The following RIN2 variants were observed in gnomAD, a reference collection of about 807,000 sequenced individuals.
RIN2 encodes RAB5 interacting protein 2.
A neutral mutation model predicts 78.0 loss-of-function variants in RIN2; 36 were observed. The observed-to-expected ratio is 0.46, with a 90% CI of 0.35 to 0.61. The LOEUF is 0.61. Among genes scored for constraint, RIN2 ranks in the 20% least tolerant of loss-of-function variants. RIN2 has a pLI of 0.00. For synonymous variants in RIN2, 466 were observed against 466.8 expected (o/e 1.00, Z 0.02); for missense variants, 1,087 against 1,159.7 (o/e 0.94, Z 0.91).
chr20:19,869,938 T>G (rs1416421042), intron 2 of RIN2, among the ~76,000 whole-genome samples: 1 of 152,038 alleles, frequency 6.6e-6, no homozygotes, highest in East Asian at 1.9e-4. Flanking sequence ...GTGAGCCACC[T>G]CACGGGGCCA....
chr20:19,883,366 GTC>G (rs1481522599), intron 2 of RIN2, among the ~76,000 whole-genome samples: 4 of 140,866 alleles, frequency 2.8e-5, no homozygotes, highest in African/African-American at 8.0e-5. Flanking sequence ...TTTAGACCTG[GTC>G]TCTCTCTGTT....
chr20:19,789,376 A>G lies in RIN2; in HGVS notation c.-162-10246A>G, dbSNP rs1277433436. Among the ~76,000 whole-genome samples the G allele has an allele frequency of 3.9e-5, 6 of 152,312 alleles. No homozygotes were observed. The East Asian group carries it at 1.2e-3, about 29-fold the overall frequency. On this transcript the variant is annotated intron_variant, in intron 1 of 12. Transcript: ENST00000255006. ...GGATATGCGAAGATTTTTTAAAATAATACTTTTAACTTAAGATGTGTGCAC... is the reference window on the plus strand; with the variant it reads ...GGATATGCGAAGATTTTTTAAAATAGTACTTTTAACTTAAGATGTGTGCAC...
intron 2 of RIN2, among the ~76,000 whole-genome samples, chr20:19,812,302 G>A (rs1035416753): frequency 4.6e-5 from 7 of 152,168 alleles, no homozygotes; most frequent in Non-Finnish European, 7.4e-5. Flanking sequence ...ACTGTTTTCC[G>A]AAGAGACTGT....
intron 8 of RIN2, among the ~76,000 whole-genome samples, chr20:19,973,675 GCTA>G (rs1026566140): frequency 2.0e-5 from 3 of 152,172 alleles, no homozygotes. Context: ...TGTAGTCCCA[GCTA>G]CTCGGGAGGC....
At chr20:19,875,409 C>A (rs1226209533) in intron 2 of RIN2, among the ~76,000 whole-genome samples, 2 of 152,114 alleles carry the variant, frequency 1.3e-5, no homozygotes, top group African/African-American at 2.4e-5. Context: ...TTGTGATCTG[C>A]CCACCTCAGC....
In RIN2 at chr20:20,000,738, C is replaced by T. The variant is rs761100473; in HGVS notation, c.2490C>T (p.Asp830=). 1 of 1,613,952 alleles carries T rather than the reference C, an allele frequency of 6.2e-7. No homozygotes were observed. Among genetic ancestry groups the T allele is most frequent in the South Asian group, 1.1e-5 (1 of 91,086 alleles). Reference sequence around the variant, plus strand: ...GCGCTGAGAAGTTCAAGGTGGGGGACCCTGAGGAGTACAGCCTCTTTCTCT... The same window carrying T: ...GCGCTGAGAAGTTCAAGGTGGGGGATCCTGAGGAGTACAGCCTCTTTCTCT... The part of the protein sequence containing the change: ...QICAEKFKVG[D]PEEYSLFLFV... Residue 830 remains aspartate, a synonymous_variant, in exon 13 of 13, where the codon GAC becomes GAT. Transcript: ENST00000255006.
chr20:19,983,512 G>A (rs1235961740), intron 9 of RIN2, among the ~76,000 whole-genome samples: 2 of 148,810 alleles, frequency 1.3e-5, no homozygotes, highest in African/African-American at 5.1e-5. Flanking sequence ...AATTATAAAT[G>A]TTTACATTTT....
intron 2 of RIN2, among the ~76,000 whole-genome samples, chr20:19,844,587 GCTGCTGCTTCTTCCT>G (rs1488208186): frequency 3.6e-5 from 5 of 139,662 alleles, no homozygotes; most frequent in African/African-American, 1.3e-4. Flanking sequence ...TGCTGCTGCT[GCTGCTGCTTCTTCCT>G]CTTCTTCTTC....
intron 3 of RIN2, 89 bp downstream of exon 3, chr20:19,889,747 G>A (rs1192422768): frequency 2.8e-6 from 3 of 1,061,100 alleles, no homozygotes; most frequent in African/African-American, 1.6e-5. Context: ...GCTGAGGGAA[G>A]TCTGCTCTCT....
rs34800086 is a variant in RIN2, at chr20:19,858,209, C to A, written c.-36-31357C>A. The stretch of plus-strand genomic sequence containing the variant: ...ACTCCTTGTTTTTCTGTCTTACAAC[C>A]CCTGTTTCTTTTGCCAGTTTAATTG... On this transcript the variant is annotated intron_variant, in intron 2 of 12. Coordinates refer to ENST00000255006, the MANE Select transcript of RIN2 (RefSeq NM_018993.4). Among the ~76,000 whole-genome samples the A allele has an allele frequency of 2.2e-3, 330 of 152,156 alleles. 3 individuals carry two copies. Among genetic ancestry groups the A allele is most frequent in the Admixed American group, 4.0e-3 (61 of 15,284 alleles).
chr20:19,960,252 A>G (rs578145143), intron 5 of RIN2, among the ~76,000 whole-genome samples: 38 of 152,358 alleles, frequency 2.5e-4, no homozygotes, highest in Admixed American at 2.1e-3. Context: ...TCTATTGTAA[A>G]TATCCTCATA....
intron 2 of RIN2, among the ~76,000 whole-genome samples, chr20:19,813,272 G>T (rs6035447): frequency 0.43 from 65,025 of 152,188 alleles, 18,030 homozygotes; most frequent in African/African-American, 0.8. Flanking sequence ...CAATAGCAGA[G>T]GAAATCAAGA....
chr20:19,965,079 A>G (rs1263625532), intron 7 of RIN2, 55 bp downstream of exon 7: 2 of 1,423,994 alleles, frequency 1.4e-6, no homozygotes, highest in African/African-American at 2.8e-5. Flanking sequence ...TGTGGGATAT[A>G]ATTAACCTGA....
At position 19,785,465 on chromosome 20, in the gene RIN2, G is replaced by A. The variant is rs371179480; in HGVS notation, c.-162-14157G>A. 3.3e-5 allele frequency among the ~76,000 whole-genome samples: 5 copies of A among 152,294 alleles called. No homozygotes were observed. The South Asian group carries it at 1.0e-3, about 32-fold the overall frequency. On this transcript the variant is annotated intron_variant, in intron 1 of 12. Transcript: ENST00000255006. ...GTTGACTGAACTCCGGAGAGGAAAT[G>A]GGGAAATTCAGTTTGCAGATGCTTT...
At chr20:19,836,155 A>G (rs753500680) in intron 2 of RIN2, among the ~76,000 whole-genome samples, 1 of 152,224 alleles carries the variant, frequency 6.6e-6, no homozygotes, top group African/African-American at 2.4e-5. Flanking sequence ...TCATCTGGTG[A>G]CATCAGATGC....
chr20:19,851,168 G>T (rs1279810641), intron 2 of RIN2, among the ~76,000 whole-genome samples: 3 of 152,168 alleles, frequency 2.0e-5, no homozygotes, highest in Non-Finnish European at 4.4e-5. Flanking sequence ...CTCTAGGCAT[G>T]CTGGGTGCTG....
intron 2 of RIN2, among the ~76,000 whole-genome samples, chr20:19,830,755 G>A (rs1460080376): frequency 6.6e-6 from 1 of 152,194 alleles, no homozygotes; most frequent in African/African-American, 2.4e-5. Context: ...GCTGACCATG[G>A]GGAGTCTATA....
In RIN2 at chr20:19,955,508, T is replaced by G. The variant is rs983522329; in HGVS notation, c.159-1107T>G. 7.9e-5 allele frequency among the ~76,000 whole-genome samples: 12 copies of G among 152,086 alleles called. 1 individual carries two copies. Among genetic ancestry groups the G allele is most frequent in the Admixed American group, 6.6e-4 (10 of 15,244 alleles). ...CGCATGACCACACCTGGCTAATTTTTGCATTTTTAGTAGAAATGGAATTTC... is the reference window on the plus strand; with the variant it reads ...CGCATGACCACACCTGGCTAATTTTGGCATTTTTAGTAGAAATGGAATTTC... On this transcript the variant is annotated intron_variant, in intron 4 of 12. Transcript: ENST00000255006.
At chr20:19,940,645 T>A in intron 4 of RIN2, among the ~76,000 whole-genome samples, 1 of 152,372 alleles carries the variant, frequency 6.6e-6, no homozygotes, top group African/African-American at 2.4e-5. Context: ...GGTTTCCTGC[T>A]TCCTCTCTTC....
Sources: gnomAD v4.1 joint callset for allele counts (sites outside exome capture counted in the v4.1 genomes callset) on GRCh38, gnomAD v4.1.1 for gene constraint, MANE v1.5 for transcripts, NCBI Gene and HGNC (gene_info 2026-07-23, HGNC 2026-07-21) for gene names.